CNTNAP2: variants seen among roughly 807,000 people sequenced by gnomAD.
The protein encoded by CNTNAP2 is contactin-associated protein-like 2.
Under a neutral mutation model 155.2 loss-of-function variants are expected in CNTNAP2, and 98 were observed. The ratio of observed to expected loss-of-function variants is 0.63; its 90% CI spans 0.54 to 0.75. The LOEUF is 0.75. Among genes scored for constraint, CNTNAP2 ranks in the 30% least tolerant of loss-of-function variants. The probability of loss-of-function intolerance (pLI) is 0.00; values close to 1 mark genes in which losing one functional copy is unlikely to be tolerated. For missense variants in CNTNAP2, 1,727 were observed against 1,688.1 expected (o/e 1.02, Z -0.40); for synonymous variants, 651 against 631.2 (o/e 1.03, Z -0.47).
At chr7:147,501,515 C>T (rs533833862) in intron 11 of CNTNAP2, among the ~76,000 whole-genome samples, 2 of 152,234 alleles carry the variant, frequency 1.3e-5, no homozygotes, top group South Asian at 4.1e-4. Context: ...ACAACTTTTT[C>T]AATTTTATAG....
At chr7:147,309,638 A>G (rs1354771492) in intron 9 of CNTNAP2, among the ~76,000 whole-genome samples, 1 of 152,160 alleles carries the variant, frequency 6.6e-6, no homozygotes, top group Non-Finnish European at 1.5e-5. Context: ...CATTTTAAGC[A>G]GTACCTGATT....
chr7:146,785,914 T>C (rs1802567346), intron 2 of CNTNAP2, among the ~76,000 whole-genome samples: 5 of 152,202 alleles, frequency 3.3e-5, no homozygotes. Context: ...GAATACATTG[T>C]ATCGGTCCTT....
At chr7:147,704,147 A>G (rs4725745) in intron 13 of CNTNAP2, 20,033 of 152,098 alleles carry the variant, frequency 0.13, 1,801 homozygotes, top group East Asian at 0.4. Context: ...GTTTTTCTCA[A>G]TGACTCTAGA....
chr7:148,338,491 GC>G (rs1206588208), intron 21 of CNTNAP2, among the ~76,000 whole-genome samples: 4 of 151,528 alleles, frequency 2.6e-5, no homozygotes, highest in African/African-American at 9.7e-5. Flanking sequence ...CCCCGACCTA[GC>G]CTCTTACCCA....
At chr7:146,207,924 A>T (rs954286649) in intron 1 of CNTNAP2, among the ~76,000 whole-genome samples, 1 of 152,026 alleles carries the variant, frequency 6.6e-6, no homozygotes, top group Non-Finnish European at 1.5e-5. Context: ...TTTAAACTTT[A>T]GGCAGAAATA....
intron 8 of CNTNAP2, among the ~76,000 whole-genome samples, chr7:147,296,785 A>G (rs961295905): frequency 2.0e-5 from 3 of 152,150 alleles, no homozygotes; most frequent in African/African-American, 7.2e-5. Flanking sequence ...GAAAGCCACA[A>G]AAAGGTTCTT....
At chr7:146,196,476 T>A (rs1798776820) in intron 1 of CNTNAP2, among the ~76,000 whole-genome samples, 2 of 151,576 alleles carry the variant, frequency 1.3e-5, no homozygotes, top group Admixed American at 6.6e-5. Flanking sequence ...GATCCCAAAA[T>A]GTTTTGTTGA....
chr7:148,343,121 C>T (rs1048776345), intron 21 of CNTNAP2, among the ~76,000 whole-genome samples: 2 of 152,190 alleles, frequency 1.3e-5, no homozygotes, highest in African/African-American at 4.8e-5. Flanking sequence ...CTGAGGTCCC[C>T]GCTGTTTAGC....
At chr7:148,195,293 T>C (rs1795258866) in intron 18 of CNTNAP2, among the ~76,000 whole-genome samples, 1 of 152,226 alleles carries the variant, frequency 6.6e-6, no homozygotes, top group Non-Finnish European at 1.5e-5. Context: ...GAATGAGCAT[T>C]TTCTAGAACC....
intron 3 of CNTNAP2, among the ~76,000 whole-genome samples, chr7:146,930,462 T>C (rs911241934): frequency 6.6e-6 from 1 of 152,060 alleles, no homozygotes; most frequent in South Asian, 2.1e-4. Flanking sequence ...AAGGAACAAC[T>C]GGTACCAGCC....
At position 146,901,792 on chromosome 7, in the gene CNTNAP2, A is replaced by G. The variant is rs189245566; in HGVS notation, c.402+61888A>G. ...TAACAATTGTATTGTTTATTCTTCT[A>G]CTTTTACTAATGTGAACTTTGAAGG... On this transcript the variant is annotated intron_variant, in intron 3 of 23. Transcript: ENST00000361727. Among the ~76,000 whole-genome samples, 185 of 150,704 alleles carry G rather than the reference A, an allele frequency of 1.2e-3. 2 individuals are homozygous for G. Among genetic ancestry groups the G allele is most frequent in the Non-Finnish European group, 5.8e-4 (39 of 67,612 alleles).
intron 1 of CNTNAP2, among the ~76,000 whole-genome samples, chr7:146,715,398 C>CT (rs1801170738): frequency 6.6e-6 from 1 of 152,158 alleles, no homozygotes; most frequent in Non-Finnish European, 1.5e-5. Context: ...GTCCCTGGGC[C>CT]TTTGGTGACT....
At chr7:146,376,411 T>C (rs1488908043) in intron 1 of CNTNAP2, among the ~76,000 whole-genome samples, 2 of 152,118 alleles carry the variant, frequency 1.3e-5, no homozygotes, top group Non-Finnish European at 2.9e-5. Flanking sequence ...CAACATGCTA[T>C]AATATTTCTC....
intron 12 of CNTNAP2, among the ~76,000 whole-genome samples, chr7:147,609,726 A>G (rs1801146322): frequency 6.6e-6 from 1 of 152,042 alleles, no homozygotes. Context: ...ATCTGAAGGG[A>G]GGCAGATGAA....
At chr7:147,630,408 A>G (rs1306246551) in intron 12 of CNTNAP2, among the ~76,000 whole-genome samples, 2 of 151,944 alleles carry the variant, frequency 1.3e-5, no homozygotes, top group South Asian at 2.1e-4. Context: ...AGAAGAATCG[A>G]CACCAATCTT....
chr7:147,948,564 C>A (rs1800860194), intron 14 of CNTNAP2, among the ~76,000 whole-genome samples: 1 of 148,626 alleles, frequency 6.7e-6, no homozygotes, highest in Non-Finnish European at 1.5e-5. Context: ...CCATATATAT[C>A]ATATGATTAT....
chr7:148,136,775 C>G (rs1054584335), intron 16 of CNTNAP2, among the ~76,000 whole-genome samples: 1 of 152,066 alleles, frequency 6.6e-6, no homozygotes, highest in African/African-American at 2.4e-5. Context: ...AAATCATGTT[C>G]CATTAGTTCA....
chr7:148,098,539 C>CA (rs1399767635), intron 15 of CNTNAP2, among the ~76,000 whole-genome samples: 1 of 145,636 alleles, frequency 6.9e-6, no homozygotes, highest in East Asian at 2.0e-4. Context: ...GAGGCAGAGA[C>CA]AAAATATAAG....
chr7:147,910,587 G>A (rs1800044944), intron 14 of CNTNAP2, among the ~76,000 whole-genome samples: 1 of 152,176 alleles, frequency 6.6e-6, no homozygotes, highest in Non-Finnish European at 1.5e-5. Context: ...AAGGAAAGAA[G>A]CTTATTGGAC....
Sources: gnomAD v4.1 joint callset for allele counts (sites outside exome capture counted in the v4.1 genomes callset) on GRCh38, gnomAD v4.1.1 for gene constraint, MANE v1.5 for transcripts, NCBI Gene and HGNC (gene_info 2026-07-23, HGNC 2026-07-21) for gene names.